Variants in HERC2 observed in about 807,000 individuals in gnomAD.
The protein encoded by HERC2 is E3 ubiquitin-protein ligase HERC2.
HERC2 carries 102 observed loss-of-function variants against 537.7 expected under a neutral mutation model. The observed-to-expected ratio is 0.19, with a 90% CI of 0.16 to 0.22. HERC2 has a LOEUF of 0.22. Ranked by LOEUF, HERC2 falls within the 10% of genes least tolerant of loss-of-function variation. The pLI is 1.00. For missense variants in HERC2, 4,236 were observed against 6,198.2 expected (o/e 0.68, Z 10.63); for synonymous variants, 2,224 against 2,466.2 (o/e 0.90, Z 2.91).
In HERC2 at chr15:28,207,014, C is replaced by CA. The variant is rs545800321; in HGVS notation, c.7070-633dup. 5.9e-3 allele frequency among the ~76,000 whole-genome samples: 793 copies of CA among 135,540 alleles called. 1 individual carries two copies. The highest frequency in any genetic ancestry group is 0.013 in the East Asian group (60 of 4,596). The allele number at this position is 135,540 out of a possible 152,430, so 88.9% of individuals were successfully genotyped here. A position where few individuals can be genotyped will look rare whatever the true frequency, so the allele number is the denominator to read the frequency against. ...GACAGAGCGAGACTCCATCTCAAAA[C>CA]AAAAAAAAAAAAACTAGACTCTAAA... On this transcript the variant is annotated intron_variant, in intron 44 of 92. Transcript: ENST00000261609.
intron 2 of HERC2, among the ~76,000 whole-genome samples, chr15:28,307,764 T>C (rs1360615176): frequency 6.6e-6 from 1 of 152,264 alleles, no homozygotes. Flanking sequence ...TTCATTCTTC[T>C]GCATATGAAT....
chr15:28,227,017 G>A (rs1901253329), intron 35 of HERC2, among the ~76,000 whole-genome samples: 1 of 152,240 alleles, frequency 6.6e-6, no homozygotes. Flanking sequence ...GCTCACGCCT[G>A]TTATCCCAGT....
At chr15:28,124,873 C>T (rs1889305746) in intron 84 of HERC2, 133 bp downstream of exon 84, 1 of 933,590 alleles carries the variant, frequency 1.1e-6, no homozygotes, top group South Asian at 1.9e-5. Flanking sequence ...CTTAAATGCA[C>T]TGTGTGGTTA....
chr15:28,153,472 G>A (rs879747419), intron 69 of HERC2, among the ~76,000 whole-genome samples: 5 of 151,902 alleles, frequency 3.3e-5, no homozygotes, highest in African/African-American at 9.7e-5. Flanking sequence ...TGGCCAGTAC[G>A]GTGAAACCCC....
At chr15:28,206,571 C>G (rs541911381) in intron 44 of HERC2, among the ~76,000 whole-genome samples, 189 bp from the exon 45 acceptor site, 2 of 151,544 alleles carry the variant, frequency 1.3e-5, no homozygotes, top group Non-Finnish European at 2.9e-5. Flanking sequence ...CGGTGGCTCA[C>G]GCGTGTAATC....
At chr15:28,166,399 G>T (rs1894142799) in intron 68 of HERC2, among the ~76,000 whole-genome samples, 1 of 152,204 alleles carries the variant, frequency 6.6e-6, no homozygotes, top group Non-Finnish European at 1.5e-5. Context: ...GCTGTTAATG[G>T]TTTTTATTAT....
At chr15:28,283,393 A>C (rs1165219849) in intron 4 of HERC2, among the ~76,000 whole-genome samples, 2 of 152,254 alleles carry the variant, frequency 1.3e-5, no homozygotes, top group Non-Finnish European at 2.9e-5. Flanking sequence ...GCCCAGCTGA[A>C]AGTACAAAAT....
In HERC2 at chr15:28,233,148, C is replaced by T. The variant is rs752755898; in HGVS notation, c.4673G>A (p.Arg1558Lys). ...QKIIRERRKK[R>K]VPKKPESTDD... ...CTTCTGTCCTTTTACATTCTTACCTCTCTTTTTCCTTCGTTCTCGAATTAT... is the reference window on the plus strand; with the variant it reads ...CTTCTGTCCTTTTACATTCTTACCTTTCTTTTTCCTTCGTTCTCGAATTAT... Residue 1558 changes from arginine (R) to lysine (K), a missense_variant and splice_region_variant, in exon 30 of 93, where the codon AGA becomes AAA. Physicochemically the swap from Arg to Lys is conservative, Grantham distance 26. Transcript: ENST00000261609. The T allele has an allele frequency of 1.2e-6, 2 of 1,609,990 alleles. No homozygotes were observed. Among genetic ancestry groups the T allele is most frequent in the African/African-American group, 1.3e-5 (1 of 74,582 alleles).
chr15:28,239,810 C>A (rs529462070), intron 23 of HERC2, among the ~76,000 whole-genome samples: 113 of 152,104 alleles, frequency 7.4e-4, no homozygotes, highest in African/African-American at 2.7e-3. Flanking sequence ...AAATAACCAA[C>A]CTGCTTCTTT....
intron 88 of HERC2, 37 bp downstream of exon 88, chr15:28,116,628 C>A: frequency 6.4e-7 from 1 of 1,566,298 alleles, no homozygotes; most frequent in Non-Finnish European, 8.7e-7. Flanking sequence ...CAGGCACAGG[C>A]CACAGCGACA....
chr15:28,185,750 T>C (rs1158156247), intron 56 of HERC2, among the ~76,000 whole-genome samples: 1 of 152,208 alleles, frequency 6.6e-6, no homozygotes, highest in Admixed American at 6.5e-5. Flanking sequence ...GGGGGAAGTT[T>C]TCCTTGTCCT....
At chr15:28,276,289 C>T (rs958055552) in intron 5 of HERC2, among the ~76,000 whole-genome samples, 1 of 151,364 alleles carries the variant, frequency 6.6e-6, no homozygotes, top group South Asian at 2.1e-4. Flanking sequence ...CACGGCTGGC[C>T]AGGGGCAACA....
chr15:28,210,358 C>G (rs1899045868), intron 44 of HERC2, among the ~76,000 whole-genome samples: 1 of 152,152 alleles, frequency 6.6e-6, no homozygotes, highest in Non-Finnish European at 1.5e-5. Flanking sequence ...TGGTCTCTAG[C>G]TCCTGACCTC....
At chr15:28,195,285 A>T (rs982011484) in intron 52 of HERC2, among the ~76,000 whole-genome samples, 2 of 152,080 alleles carry the variant, frequency 1.3e-5, no homozygotes, top group African/African-American at 4.8e-5. Flanking sequence ...TCTCAAAAAA[A>T]TAATAATTAA....
chr15:28,143,852 T>C (rs1566938737), intron 74 of HERC2, 21 bp downstream of exon 74: 1 of 1,613,644 alleles, frequency 6.2e-7, no homozygotes, highest in Non-Finnish European at 8.5e-7. Flanking sequence ...AATCTAGAAA[T>C]TGTACTAGAA....
Position 28,273,673 on chromosome 15 carries a change from T to C in HERC2, c.800+618A>G, listed in dbSNP as rs528413378. On this transcript the variant is annotated intron_variant, in intron 7 of 92. Transcript: ENST00000261609. ...GGGGACGCAAACGCCAAAGGCCTCCTGCTGGCTGCAAGAAGGCACAGTGCT... is the reference window on the plus strand; with the variant it reads ...GGGGACGCAAACGCCAAAGGCCTCCCGCTGGCTGCAAGAAGGCACAGTGCT... 3.3e-4 allele frequency among the ~76,000 whole-genome samples: 51 copies of C among 152,336 alleles called. No homozygotes were observed. In the South Asian group the frequency reaches 0.01, roughly 30 times the overall value.
At chr15:28,181,456 T>C (rs1471257345) in intron 57 of HERC2, among the ~76,000 whole-genome samples, 2 of 152,198 alleles carry the variant, frequency 1.3e-5, no homozygotes, top group African/African-American at 4.8e-5. Flanking sequence ...TAAAAACTAA[T>C]TGCACCTTGA....
At chr15:28,196,999 G>T (rs1337056347) in intron 50 of HERC2, among the ~76,000 whole-genome samples, 1 of 152,166 alleles carries the variant, frequency 6.6e-6, no homozygotes, top group Non-Finnish European at 1.5e-5. Context: ...TAAGAGCAAC[G>T]TGTCACTCAA....
At chr15:28,212,705 A>G in intron 42 of HERC2, 122 bp from the exon 43 acceptor site, 1 of 1,094,018 alleles carries the variant, frequency 9.1e-7, no homozygotes, top group Non-Finnish European at 1.3e-6. Context: ...AGCCTTTTAT[A>G]GCTGAGAATA....
Sources: allele counts gnomAD v4.1 joint callset (sites outside exome capture counted in the v4.1 genomes callset), GRCh38; gene constraint gnomAD v4.1.1; transcripts MANE v1.5; gene names NCBI Gene and HGNC (gene_info 2026-07-23, HGNC 2026-07-21).